Variants in NLRC5 observed in about 807,000 individuals in gnomAD.
NLRC5 encodes protein NLRC5.
In NLRC5, 114 loss-of-function variants were observed where a neutral mutation model predicts 206.9. The observed-to-expected ratio is 0.55, with a 90% CI of 0.47 to 0.64. The LOEUF (loss-of-function observed/expected upper bound fraction) is 0.64. NLRC5 is among the 30% of genes least tolerant of loss of function. NLRC5 has a pLI of 0.00. For synonymous variants in NLRC5, 952 were observed against 962.8 expected (o/e 0.99, Z 0.21); for missense variants, 2,008 against 2,305.5 (o/e 0.87, Z 2.64).
At chr16:57,062,887 C>T (rs1376174479) in intron 32 of NLRC5, 1 of 152,190 alleles carries the variant, frequency 6.6e-6, no homozygotes, top group Admixed American at 6.6e-5. Flanking sequence ...GAATCTCTAT[C>T]CCCATTAAAC....
chr16:57,049,130 A>G (rs192616806), intron 23 of NLRC5, among the ~76,000 whole-genome samples: 1 of 152,182 alleles, frequency 6.6e-6, no homozygotes, highest in Admixed American at 6.5e-5. Flanking sequence ...CAAAACTCCA[A>G]AGAAAAATCT....
chr16:57,045,511 G>A lies in NLRC5; in HGVS notation c.3248+19G>A. 2 of 1,612,966 alleles carry A rather than the reference G, an allele frequency of 1.2e-6. No homozygotes were observed. Among genetic ancestry groups the A allele is most frequent in the Non-Finnish European group, 1.7e-6 (2 of 1,179,454 alleles). Reference sequence around the variant, plus strand: ...CAAGCAGGTGAGGAGGGAACGCTCGGGGTGGGGGAGTCCCCTCCCGCTCTG... The same window carrying A: ...CAAGCAGGTGAGGAGGGAACGCTCGAGGTGGGGGAGTCCCCTCCCGCTCTG... On this transcript the variant is annotated intron_variant, in intron 21 of 48. Coordinates refer to ENST00000688547, the MANE Select transcript of NLRC5 (RefSeq NM_001384950.1).
rs777123006 is a variant in NLRC5, at chr16:57,066,540, C to T, written c.4248C>T (p.Ser1416=). ...ASGSVTEISI[S]ETQQQLCVQL... Reference sequence around the variant, plus strand: ...GTTACTGCTCACTCCTCAGCATCTCCGAGACCCAGCAGCAGCTCTGTGTCC... The same window carrying T: ...GTTACTGCTCACTCCTCAGCATCTCTGAGACCCAGCAGCAGCTCTGTGTCC... Residue 1416 remains serine, a synonymous_variant, in exon 34 of 49, where the codon TCC becomes TCT. Transcript: ENST00000688547. 13 of 1,613,834 alleles carry T rather than the reference C, an allele frequency of 8.1e-6. No individual in the cohort carries two copies. In the Admixed American group the frequency reaches 8.3e-5, roughly 10 times the overall value.
At chr16:57,070,813 T>C (rs1159038801) in intron 38 of NLRC5, among the ~76,000 whole-genome samples, 195 bp downstream of exon 38, 3 of 139,604 alleles carry the variant, frequency 2.1e-5, no homozygotes, top group African/African-American at 8.5e-5. Context: ...GAGTGGTTAA[T>C]GGGGAATGGG....
At chr16:57,071,999 C>T (rs1411484714) in intron 38 of NLRC5, among the ~76,000 whole-genome samples, 1 of 152,054 alleles carries the variant, frequency 6.6e-6, no homozygotes, top group African/African-American at 2.4e-5. Context: ...GATCTCAGTG[C>T]CAGCAAGAAC....
Position 57,082,410 on chromosome 16 carries a change from C to G in NLRC5, c.5490-7C>G, listed in dbSNP as rs1429508565. ...GATGAATGAGTGCCTATATCTGTGC[C>G]CCACAGCCTCTGGAATAACCCCATT... is the stretch of plus-strand genomic sequence containing the variant. On this transcript the variant is annotated splice_polypyrimidine_tract_variant and splice_region_variant and intron_variant, in intron 48 of 48. Coordinates refer to ENST00000688547, the MANE Select transcript of NLRC5 (RefSeq NM_001384950.1). The G allele has an allele frequency of 6.2e-7, 1 of 1,603,498 alleles. No individual in the cohort carries two copies. Among genetic ancestry groups the G allele is most frequent in the Admixed American group, 1.7e-5 (1 of 59,528 alleles).
rs780366196 is a variant in NLRC5 at position 57,025,493 on chromosome 16, G to T, written c.550G>T (p.Ala184Ser). The part of the protein sequence containing the change: ...QVYVPPILRR[A>S]TASLDTPEGA... ...CTATGTCCCTCCAATCCTGCGCCGG[G>T]CCACAGCATCCTTAGACACTCCGGA... The change falls in exon 6 of 49, where the codon GCC becomes TCC. Residue 184 changes from alanine (A) to serine (S), a missense_variant. Coordinates refer to ENST00000688547, the MANE Select transcript of NLRC5 (RefSeq NM_001384950.1). 3.7e-6 allele frequency: 6 copies of T among 1,613,346 alleles called. No homozygotes were observed. In the Admixed American group the frequency reaches 8.3e-5, roughly 22 times the overall value.
chr16:56,993,712 T>C (rs2057244898), intron 1 of NLRC5, among the ~76,000 whole-genome samples: 2 of 152,212 alleles, frequency 1.3e-5, no homozygotes, highest in South Asian at 4.1e-4. Context: ...CACCTGTAGC[T>C]CATTTTCCAT....
At position 57,001,533 on chromosome 16, in the gene NLRC5, G is replaced by A. The variant is rs200663461; in HGVS notation, c.-128+11916G>A. ...ACCAGGCGTCAGGGGCTGGAGAGAC[G>A]GAAGAAGCGATAGCAACGACAACCA... On this transcript the variant is annotated intron_variant, in intron 1 of 48. Transcript: ENST00000688547. 8.5e-5 allele frequency among the ~76,000 whole-genome samples: 13 copies of A among 152,334 alleles called. No homozygotes were observed. The East Asian group carries it at 1.9e-3, about 23-fold the overall frequency.
chr16:57,070,747 A>G (rs1222220288), intron 38 of NLRC5, 129 bp downstream of exon 38: 45 of 639,088 alleles, frequency 7.0e-5, no homozygotes, highest in Non-Finnish European at 1.1e-4. Context: ...TTAATGGGGA[A>G]TGGGGTGAGT....
At chr16:57,043,754 C>A in intron 20 of NLRC5, 150 bp downstream of exon 20, 3 of 680,078 alleles carry the variant, frequency 4.4e-6, no homozygotes, top group Non-Finnish European at 5.4e-6. Context: ...ATGTGATGGG[C>A]GTCCACTGAA....
intron 3 of NLRC5, 37 bp from the exon 4 acceptor site, chr16:57,022,219 A>G: frequency 6.4e-7 from 1 of 1,574,048 alleles, no homozygotes; most frequent in Non-Finnish European, 8.7e-7. Flanking sequence ...ATCCCTCGAC[A>G]GCCCCATACC....
chr16:57,029,899 A>G (rs779333418), intron 9 of NLRC5, 43 bp downstream of exon 9: 1 of 1,608,830 alleles, frequency 6.2e-7, no homozygotes, highest in Non-Finnish European at 8.5e-7. Context: ...GTCCCTCTCT[A>G]TACCTGATTC....
chr16:57,040,696 C>G lies in NLRC5; in HGVS notation c.2917C>G (p.Pro973Ala), dbSNP rs542381641. Residue 973 changes from proline (P) to alanine (A), a missense_variant, in exon 17 of 49, where the codon CCT (proline) becomes GCT (alanine). Pro to Ala is a conservative substitution (Grantham distance 27). Coordinates refer to ENST00000688547, the MANE Select transcript of NLRC5 (RefSeq NM_001384950.1). ...CATGCTCCAGATGCCCTCTGAGCTG[C>G]CTCTGAGCTCCCGAAGGATGAGGTA... Reference protein sequence around the residue: ...SLMLQMPSELPLSSRRMRLTH... With the variant: ...SLMLQMPSELALSSRRMRLTH... 1.2e-6 allele frequency: 2 copies of G among 1,614,170 alleles called. No homozygotes were observed. The highest frequency in any genetic ancestry group is 2.2e-5 in the South Asian group (2 of 91,082).
At chr16:57,024,832 A>G (rs2061100028) in intron 5 of NLRC5, among the ~76,000 whole-genome samples, 1 of 152,176 alleles carries the variant, frequency 6.6e-6, no homozygotes, top group Non-Finnish European at 1.5e-5. Flanking sequence ...CAACGTGACA[A>G]AACCTTGTCT....
intron 15 of NLRC5, among the ~76,000 whole-genome samples, chr16:57,039,552 A>G (rs1363328532): frequency 1.4e-5 from 1 of 70,918 alleles, no homozygotes; most frequent in Non-Finnish European, 3.0e-5. Flanking sequence ...CTGTCTCTAC[A>G]TACTTTTTTT....
intron 1 of NLRC5, chr16:56,991,785 C>T (rs1388452941): frequency 1.3e-5 from 2 of 151,496 alleles, no homozygotes; most frequent in Non-Finnish European, 2.9e-5. Flanking sequence ...GGGCGTGAGC[C>T]ACCACACCCA....
rs778228221 is a variant in NLRC5, at chr16:57,082,486, T to G, written c.5559T>G (p.Phe1853Leu). 1 of 1,613,764 alleles carries G rather than the reference T, an allele frequency of 6.2e-7. No individual in the cohort carries two copies. Among genetic ancestry groups the G allele is most frequent in the Non-Finnish European group, 8.5e-7 (1 of 1,179,796 alleles). ...HLKSQEPRLDFAFFDNQPQAP... is the reference protein window; with the variant it reads ...HLKSQEPRLDLAFFDNQPQAP... ...AGAGCCAGGAGCCCAGGCTGGACTT[T>G]GCCTTCTTTGACAACCAGCCCCAGG... The change falls in exon 49 of 49, where the codon TTT (phenylalanine) becomes TTG (leucine). Residue 1853 changes from phenylalanine (F) to leucine (L), a missense_variant. Transcript: ENST00000688547.
At position 57,055,063 on chromosome 16, in the gene NLRC5, T is replaced by A. The variant is rs760667743; in HGVS notation, c.3628T>A (p.Ser1210Thr). Reference protein sequence around the residue: ...SLHHATLHFRSNEEEEGVCCG... With the variant: ...SLHHATLHFRTNEEEEGVCCG... Reference sequence around the variant, plus strand: ...GCACCATGCAACTTTGCACTTCAGATCCAACGAGGAGGAGGAAGGCGTGTG... The same window carrying A: ...GCACCATGCAACTTTGCACTTCAGAACCAACGAGGAGGAGGAAGGCGTGTG... Residue 1210 changes from serine to threonine, a missense_variant, in exon 26 of 49, where the codon TCC becomes ACC. By Grantham distance (58) the Ser-to-Thr change is moderately conservative. Transcript: ENST00000688547. 22 of 1,614,108 alleles carry A rather than the reference T, an allele frequency of 1.4e-5. No individual in the cohort carries two copies. The highest frequency in any genetic ancestry group is 1.9e-5 in the Non-Finnish European group (22 of 1,180,060).
Sources: gnomAD v4.1 joint callset for allele counts (sites outside exome capture counted in the v4.1 genomes callset) on GRCh38, gnomAD v4.1.1 for gene constraint, MANE v1.5 for transcripts, NCBI Gene and HGNC (gene_info 2026-07-23, HGNC 2026-07-21) for gene names.